The following IFT88 variants were observed in gnomAD, a reference collection of about 807,000 sequenced individuals.
The protein encoded by IFT88 is intraflagellar transport protein 88 homolog.
In IFT88, 74 loss-of-function variants were observed where a neutral mutation model predicts 119.5. The observed-to-expected ratio is 0.62, with a 90% CI of 0.51 to 0.75. IFT88 has a LOEUF of 0.75. Ranked by LOEUF, IFT88 falls within the 30% of genes least tolerant of loss-of-function variation. The pLI is 0.00. For missense variants in IFT88, 961 were observed against 977.7 expected (o/e 0.98, Z 0.23); for synonymous variants, 279 against 316.7 (o/e 0.88, Z 1.26).
chr13:20,569,586 A>ATT (rs144888863), intron 1 of IFT88, among the ~76,000 whole-genome samples: 15 of 150,884 alleles, frequency 9.9e-5, no homozygotes, highest in Non-Finnish European at 1.0e-4. Flanking sequence ...AAAAAAAAAA[A>ATT]TTTTTTTAAA....
At chr13:20,614,754 A>G (rs2045292405) in intron 13 of IFT88, among the ~76,000 whole-genome samples, 2 of 152,144 alleles carry the variant, frequency 1.3e-5, no homozygotes, top group South Asian at 4.1e-4. Flanking sequence ...TTGTCTCAAA[A>G]TAAAGTTCAA....
chr13:20,614,437 G>C (rs2045233509), intron 13 of IFT88: 1 of 152,136 alleles, frequency 6.6e-6, no homozygotes. Flanking sequence ...GATCTGAAGG[G>C]AAGTATACTG....
chr13:20,631,465 C>A, intron 16 of IFT88: 1 of 184,494 alleles, frequency 5.4e-6, no homozygotes, highest in Non-Finnish European at 1.1e-5. Context: ...AGTATCAACT[C>A]TAACAAGCAT....
chr13:20,641,665 G>T (rs10507294), intron 18 of IFT88: 30,103 of 284,018 alleles, frequency 0.11, 2,032 homozygotes, highest in Non-Finnish European at 0.14. Flanking sequence ...GACATTTTCG[G>T]TACATATAAG....
intron 24 of IFT88, 57 bp downstream of exon 24, chr13:20,671,096 T>A (rs1218162461): frequency 1.6e-5 from 21 of 1,347,676 alleles, no homozygotes; most frequent in Non-Finnish European, 5.3e-6. Flanking sequence ...GTATGTGGGC[T>A]TCTGGAAACA....
chr13:20,635,831 T>C (rs1288267574), intron 16 of IFT88, among the ~76,000 whole-genome samples: 1 of 152,034 alleles, frequency 6.6e-6, no homozygotes, highest in Non-Finnish European at 1.5e-5. Context: ...CCATGGGACG[T>C]GTATACCTAT....
At chr13:20,665,452 C>G (rs2140892287) in intron 23 of IFT88, among the ~76,000 whole-genome samples, 1 of 152,196 alleles carries the variant, frequency 6.6e-6, no homozygotes, top group East Asian at 1.9e-4. Flanking sequence ...TAAAATTAAC[C>G]AAACTAAAAA....
At chr13:20,600,644 G>T (rs2042436511) in intron 11 of IFT88, among the ~76,000 whole-genome samples, 1 of 152,196 alleles carries the variant, frequency 6.6e-6, no homozygotes, top group African/African-American at 2.4e-5. Context: ...AGTATTTAGA[G>T]AAATTAGAAA....
chr13:20,667,726 G>C (rs187196374), intron 23 of IFT88, among the ~76,000 whole-genome samples: 78 of 151,690 alleles, frequency 5.1e-4, no homozygotes, highest in African/African-American at 1.8e-3. Flanking sequence ...ACAGGTGTGA[G>C]CCACCGCGCC....
At chr13:20,637,343 A>G (rs2049169943) in intron 16 of IFT88, among the ~76,000 whole-genome samples, 1 of 152,186 alleles carries the variant, frequency 6.6e-6, no homozygotes, top group South Asian at 2.1e-4. Context: ...GTTATGGGAA[A>G]AGGGGCATGG....
chr13:20,596,349 CTTAGGA>C, intron 8 of IFT88, 109 bp downstream of exon 8: 1 of 377,282 alleles, frequency 2.7e-6, no homozygotes, highest in Non-Finnish European at 4.9e-6. Flanking sequence ...GTTGACTGGT[CTTAGGA>C]TAAGAAGCAA....
intron 2 of IFT88, among the ~76,000 whole-genome samples, chr13:20,579,220 C>G (rs1210085079): frequency 6.6e-6 from 1 of 152,182 alleles, no homozygotes; most frequent in East Asian, 1.9e-4. Flanking sequence ...AGGCTTGTAT[C>G]CTTCCCTTAA....
intron 23 of IFT88, among the ~76,000 whole-genome samples, chr13:20,664,378 G>A (rs548396614): frequency 4.9e-4 from 75 of 152,242 alleles, no homozygotes; most frequent in African/African-American, 1.8e-3. Context: ...ACATTTTTGG[G>A]TAAGAAGAAA....
intron 20 of IFT88, among the ~76,000 whole-genome samples, chr13:20,648,183 G>T (rs999233462): frequency 6.6e-6 from 1 of 152,180 alleles, no homozygotes; most frequent in Non-Finnish European, 1.5e-5. Context: ...ATCACCTGAG[G>T]TCAGGAGTTC....
At chr13:20,679,472 T>C (rs1216321573) in intron 24 of IFT88, among the ~76,000 whole-genome samples, 1 of 152,198 alleles carries the variant, frequency 6.6e-6, no homozygotes, top group Admixed American at 6.5e-5. Flanking sequence ...AGTAATAATA[T>C]GCGCAGAAGG....
chr13:20,577,388 A>G (rs1048604131), intron 2 of IFT88, among the ~76,000 whole-genome samples: 7 of 152,136 alleles, frequency 4.6e-5, no homozygotes. Flanking sequence ...TAGGATTTCC[A>G]GTACTATGTT....
At chr13:20,687,249 T>C (rs529490554) in intron 24 of IFT88, among the ~76,000 whole-genome samples, 1 of 152,250 alleles carries the variant, frequency 6.6e-6, no homozygotes, top group African/African-American at 2.4e-5. Context: ...GGGTCTAAAA[T>C]ACAGGGTAGT....
chr13:20,595,110 T>C (rs1433906616), intron 7 of IFT88, among the ~76,000 whole-genome samples: 5 of 152,072 alleles, frequency 3.3e-5, no homozygotes, highest in Non-Finnish European at 7.4e-5. Flanking sequence ...TTAGAAACTT[T>C]CTCTATGGCC....
intron 22 of IFT88, chr13:20,663,277 A>G (rs111647114): frequency 0.018 from 26,064 of 1,473,330 alleles, 293 homozygotes; most frequent in Non-Finnish European, 0.022. Context: ...TGGCAGCGTG[A>G]GGACAGGACA....
Sources: gnomAD v4.1 joint callset for allele counts (sites outside exome capture counted in the v4.1 genomes callset) on GRCh38, gnomAD v4.1.1 for gene constraint, MANE v1.5 for transcripts, NCBI Gene and HGNC (gene_info 2026-07-23, HGNC 2026-07-21) for gene names.